PRPF6: variants seen among roughly 807,000 people sequenced by gnomAD.
PRPF6 encodes pre-mRNA processing factor 6, also known as pre-mRNA-processing factor 6.
PRPF6 carries 42 observed loss-of-function variants against 118.3 expected under a neutral mutation model. The observed-to-expected ratio is 0.35, with a 90% confidence interval of 0.28 to 0.46. PRPF6 has a LOEUF of 0.46. Among genes scored for constraint, PRPF6 ranks in the 20% least tolerant of loss-of-function variants. The pLI, the probability that PRPF6 is intolerant of heterozygous loss-of-function variation, is 1.00. For missense variants in PRPF6, 662 were observed against 1,255.7 expected (o/e 0.53, Z 7.15); for synonymous variants, 481 against 485.1 (o/e 0.99, Z 0.11).
chr20:64,029,843 G>A lies in PRPF6; in HGVS notation c.2546+352G>A, dbSNP rs923375832. ...GATTCACACTGGTGCTCTGGTCGCCGGGTCAGAGACTCACTGGGGACGCAT... is the reference window on the plus strand; with the variant it reads ...GATTCACACTGGTGCTCTGGTCGCCAGGTCAGAGACTCACTGGGGACGCAT... On this transcript the variant is annotated intron_variant, in intron 19 of 20. Coordinates refer to ENST00000266079, the MANE Select transcript of PRPF6 (RefSeq NM_012469.4). This position sits in a 1 kb window ranked among gnomAD's most constrained non-coding sequence, Gnocchi z 4.8. Among the ~76,000 whole-genome samples, 3 of 145,412 alleles carry A rather than the reference G, an allele frequency of 2.1e-5. No individual in the cohort carries two copies. Among genetic ancestry groups the A allele is most frequent in the Non-Finnish European group, 4.6e-5 (3 of 65,654 alleles).
chr20:64,008,960 G>A (rs755758575), intron 9 of PRPF6, among the ~76,000 whole-genome samples: 1 of 152,086 alleles, frequency 6.6e-6, no homozygotes, highest in Non-Finnish European at 1.5e-5. Context: ...TAAGTTTTAG[G>A]TATTTTTATT....
rs1452118936 is a variant in PRPF6 at position 63,995,317 on chromosome 20, TCCC to T, written c.616-8_616-6del. On this transcript the variant is annotated splice_polypyrimidine_tract_variant and splice_region_variant and intron_variant, in intron 5 of 20. Coordinates refer to ENST00000266079, the MANE Select transcript of PRPF6 (RefSeq NM_012469.4). ...TGTTTTATTCTTGCCTTTCCTCTCTTCCCCTCCAGCAATTTGGAGGTCTTAACA... is the reference window on the plus strand; with the variant it reads ...TGTTTTATTCTTGCCTTTCCTCTCTTCTCCAGCAATTTGGAGGTCTTAACA... The T allele has an allele frequency of 6.2e-7, 1 of 1,607,386 alleles. No homozygotes were observed. The highest frequency in any genetic ancestry group is 1.3e-5 in the African/African-American group (1 of 74,818).
At position 63,981,296 on chromosome 20, in the gene PRPF6, C is replaced by T. The variant is rs1318317706; in HGVS notation, c.51C>T (p.Tyr17=). Residue 17 remains tyrosine (Y), a synonymous_variant, in exon 1 of 21, where the codon TAC becomes TAT. Coordinates refer to ENST00000266079, the MANE Select transcript of PRPF6 (RefSeq NM_012469.4). Reference sequence around the variant, plus strand: ...TAGGGATGCCCGCGCCCCTCGGCTACGTGCCGGGGCTGGGCCGGGGGTGAG... The same window carrying T: ...TAGGGATGCCCGCGCCCCTCGGCTATGTGCCGGGGCTGGGCCGGGGGTGAG... ...PFLGMPAPLG[Y]VPGLGRGATG... 9 of 1,606,206 alleles carry T rather than the reference C, an allele frequency of 5.6e-6. No individual in the cohort carries two copies. Among genetic ancestry groups the T allele is most frequent in the Non-Finnish European group, 5.9e-6 (7 of 1,176,560 alleles).
chr20:64,030,977 C>T (rs2059311541), intron 19 of PRPF6, among the ~76,000 whole-genome samples: 1 of 152,236 alleles, frequency 6.6e-6, no homozygotes, highest in South Asian at 2.1e-4. Flanking sequence ...GGCCTGCCAG[C>T]ATGCTCAGCA....
At chr20:63,995,284 C>T (rs1335663875) in intron 5 of PRPF6, 43 bp from the exon 6 acceptor site, 2 of 1,584,698 alleles carry the variant, frequency 1.3e-6, no homozygotes, top group Non-Finnish European at 1.7e-6. Flanking sequence ...GCATGCAGTG[C>T]AAACCGTTGT....
At chr20:63,994,531 G>A (rs1178634834) in intron 4 of PRPF6, among the ~76,000 whole-genome samples, 2 of 152,218 alleles carry the variant, frequency 1.3e-5, no homozygotes, top group African/African-American at 4.8e-5. Flanking sequence ...TGTAATCTCA[G>A]CACTTTGGGA....
At position 63,993,584 on chromosome 20, in the gene PRPF6, C is replaced by T. The variant is rs192455338; in HGVS notation, c.438+99C>T. 3.1e-5 allele frequency: 31 copies of T among 1,006,532 alleles called. No individual in the cohort carries two copies. In the East Asian group the frequency reaches 5.5e-4, roughly 18 times the overall value. The allele number at this position is 1,006,532 out of a possible 1,614,324, so 62.4% of individuals were successfully genotyped here. ...CTTACGTGGAATTTATGAGACTTTA[C>T]GTTTTTAATTTAGGGGGTCATTGCT... is the stretch of plus-strand genomic sequence containing the variant. On this transcript the variant is annotated intron_variant, in intron 4 of 20. Transcript: ENST00000266079.
In PRPF6 at chr20:64,033,024, G is replaced by C. The variant is rs1314717373; in HGVS notation, c.*31G>C. The C allele has an allele frequency of 5.0e-6, 8 of 1,612,356 alleles. No homozygotes were observed. In the Admixed American group the frequency reaches 1.3e-4, roughly 27 times the overall value. On this transcript the variant is annotated 3_prime_UTR_variant, in exon 21 of 21. Coordinates refer to ENST00000266079, the MANE Select transcript of PRPF6 (RefSeq NM_012469.4). ...CGGTTGCCATGGCCGGTCTCCGTGG[G>C]GCAGGGTTGGGCCGCATGTGGAAGG...
At chr20:63,981,649 C>CG (rs1161930700) in intron 1 of PRPF6, among the ~76,000 whole-genome samples, 5 of 144,902 alleles carry the variant, frequency 3.5e-5, no homozygotes, top group African/African-American at 1.3e-4. Flanking sequence ...ACACTCCCCC[C>CG]CCCCGCCCGC....
chr20:63,983,317 C>T (rs1253551451), intron 2 of PRPF6, 102 bp downstream of exon 2: 34 of 1,439,008 alleles, frequency 2.4e-5, no homozygotes, highest in Non-Finnish European at 3.1e-5. Context: ...TGGAGTGGCT[C>T]ATGCATTTAA....
In PRPF6 at chr20:64,027,618, C is replaced by T; in HGVS notation, c.2221C>T (p.His741Tyr). The T allele has an allele frequency of 6.2e-7, 1 of 1,614,130 alleles. No individual in the cohort carries two copies. Among genetic ancestry groups the T allele is most frequent in the Non-Finnish European group, 8.5e-7 (1 of 1,180,038 alleles). ...AYNQGLKKCP[H>Y]STPLWLLLSR... ...TTGGTTGCAGTTGAAGAAGTGTCCC[C>T]ACTCCACACCCCTGTGGCTTTTGCT... Residue 741 changes from histidine (H) to tyrosine (Y), a missense_variant, in exon 17 of 21, where the codon CAC becomes TAC. Coordinates refer to ENST00000266079, the MANE Select transcript of PRPF6 (RefSeq NM_012469.4). The surrounding 1 kb of genome is among the most constrained non-coding windows in gnomAD (Gnocchi z 6.5).
intron 9 of PRPF6, among the ~76,000 whole-genome samples, chr20:64,007,988 G>A (rs369842422): frequency 1.1e-4 from 16 of 152,210 alleles, no homozygotes; most frequent in African/African-American, 3.9e-4. Context: ...TGTTGGCCAC[G>A]CTGGTCTCGA....
chr20:64,011,293 T>G lies in PRPF6; in HGVS notation c.1314T>G (p.Leu438=). The G allele has an allele frequency of 4.3e-6, 7 of 1,614,156 alleles. No individual in the cohort carries two copies. The highest frequency in any genetic ancestry group is 5.1e-6 in the Non-Finnish European group (6 of 1,180,024). ...GTGTCCTCTCCGCGTAGCTCTGGCT[T>G]GCTCTGGCAAGGCTGGAGACCTATG... The part of the protein sequence containing the change: ...ECCPTSVELW[L]ALARLETYEN... Residue 438 remains leucine (L), a synonymous_variant, in exon 11 of 21, where the codon CTT becomes CTG. Transcript: ENST00000266079. This position sits in a 1 kb window ranked among gnomAD's most constrained non-coding sequence, Gnocchi z 6.7.
rs140841421 is a variant in PRPF6 at position 64,004,169 on chromosome 20, T to TGGGA, written c.1186+2932_1186+2935dup. ...TTTCCAGTTGGTTTGGATTTGGAGA[T>TGGGA]GGGAGTATGCTGTTGGAGGCGGGGG... On this transcript the variant is annotated intron_variant, in intron 9 of 20. Transcript: ENST00000266079. Among the ~76,000 whole-genome samples, 471 of 152,304 alleles carry TGGGA rather than the reference T, an allele frequency of 3.1e-3. 1 individual carries two copies. The highest frequency in any genetic ancestry group is 0.011 in the African/African-American group (442 of 41,568).
At chr20:64,024,840 AGGG>A in intron 14 of PRPF6, 147 bp downstream of exon 14, 6 of 1,272,334 alleles carry the variant, frequency 4.7e-6, no homozygotes, top group Non-Finnish European at 6.5e-6. Context: ...CCACAGGAGC[AGGG>A]GCCGTGAAGG....
At chr20:63,996,086 A>G (rs1283534950) in intron 6 of PRPF6, among the ~76,000 whole-genome samples, 1 of 152,122 alleles carries the variant, frequency 6.6e-6, no homozygotes, top group African/African-American at 2.4e-5. Context: ...ACACCAGTGA[A>G]GTACAGAACT....
chr20:64,027,568 AC>A lies in PRPF6; in HGVS notation c.2206-33del, dbSNP rs778651249. ...GGCTGTGTCCCAGTTCTTCATAGAC[AC>A]CACCTGAGCTGCTCTCTTACTTGTT... On this transcript the variant is annotated intron_variant, in intron 16 of 20. Transcript: ENST00000266079. The surrounding 1 kb of genome is among the most constrained non-coding windows in gnomAD (Gnocchi z 6.5). The A allele has an allele frequency of 4.7e-4, 765 of 1,613,906 alleles. No homozygotes were observed. Among genetic ancestry groups the A allele is most frequent in the Non-Finnish European group, 6.3e-4 (740 of 1,179,972 alleles).
intron 1 of PRPF6, 26 bp downstream of exon 1, chr20:63,981,342 G>A (rs1273150184): frequency 6.4e-7 from 1 of 1,560,670 alleles, no homozygotes; most frequent in Non-Finnish European, 8.7e-7. Flanking sequence ...GCGCGCGAGG[G>A]GCGGGGACCC....
At chr20:64,003,791 G>T (rs2059178212) in intron 9 of PRPF6, among the ~76,000 whole-genome samples, 1 of 152,010 alleles carries the variant, frequency 6.6e-6, no homozygotes, top group South Asian at 2.1e-4. Flanking sequence ...TTAGAGATGG[G>T]GTTTCACCAT....
Sources: allele counts gnomAD v4.1 joint callset (sites outside exome capture counted in the v4.1 genomes callset), GRCh38; gene constraint gnomAD v4.1.1; non-coding constraint Gnocchi (gnomAD v3.1); transcripts MANE v1.5; gene names NCBI Gene and HGNC (gene_info 2026-07-23, HGNC 2026-07-21).